SLC10A7: variants seen among roughly 807,000 people sequenced by gnomAD.
SLC10A7 encodes the protein solute carrier family 10 member 7.
In SLC10A7, 29 loss-of-function variants were observed where a neutral mutation model predicts 43.2. That is an observed-to-expected ratio of 0.67 (90% CI 0.50 to 0.92). SLC10A7 has a LOEUF of 0.92. Ranked by LOEUF, SLC10A7 falls within the 40% of genes least tolerant of loss-of-function variation. The pLI, the probability that SLC10A7 is intolerant of heterozygous loss-of-function variation, is 0.00. For missense variants in SLC10A7, 295 were observed against 403.2 expected (o/e 0.73, Z 2.30); for synonymous variants, 152 against 144.8 (o/e 1.05, Z -0.35).
intron 5 of SLC10A7, among the ~76,000 whole-genome samples, chr4:146,399,709 A>G (rs1333354191): frequency 6.6e-6 from 1 of 152,312 alleles, no homozygotes; most frequent in African/African-American, 2.4e-5. Flanking sequence ...ATCAAGGAAC[A>G]TTTTTAAGAC....
At chr4:146,495,243 A>G (rs1461981743) in intron 4 of SLC10A7, among the ~76,000 whole-genome samples, 1 of 152,226 alleles carries the variant, frequency 6.6e-6, no homozygotes, top group African/African-American at 2.4e-5. Context: ...TTCCACTACA[A>G]GCCAAAGCAG....
chr4:146,440,291 T>TTTTC lies in SLC10A7; in HGVS notation c.435+2491_435+2492insGAAA, dbSNP rs774641910. Among the ~76,000 whole-genome samples, 202 of 146,124 alleles carry TTTTC rather than the reference T, an allele frequency of 1.4e-3. 1 individual carries two copies. The highest frequency in any genetic ancestry group is 3.9e-4 in the Non-Finnish European group (26 of 66,140). The stretch of plus-strand genomic sequence containing the variant: ...GGGAGGTCTTTTTTCTTTTCTTTTC[T>TTTTC]TTTTTTTTTTGAGACAGAGTCTCGC... On this transcript the variant is annotated intron_variant, in intron 5 of 11. Coordinates refer to ENST00000335472, the MANE Select transcript of SLC10A7 (RefSeq NM_001029998.6).
At chr4:146,493,208 T>C (rs1397949042) in intron 4 of SLC10A7, among the ~76,000 whole-genome samples, 1 of 152,166 alleles carries the variant, frequency 6.6e-6, no homozygotes, top group East Asian at 1.9e-4. Context: ...AATATAAACA[T>C]TAATTAGATT....
At chr4:146,505,462 G>A (rs1402107447) in intron 3 of SLC10A7, among the ~76,000 whole-genome samples, 6 of 152,112 alleles carry the variant, frequency 3.9e-5, no homozygotes, top group African/African-American at 1.4e-4. Flanking sequence ...AGTTTTTGGG[G>A]AGTCAAAAGT....
chr4:146,259,781 TCTAA>T (rs923016863), intron 10 of SLC10A7, among the ~76,000 whole-genome samples: 17 of 152,368 alleles, frequency 1.1e-4, no homozygotes, highest in South Asian at 6.2e-4. Context: ...ACACTAGCAG[TCTAA>T]CTATTATTAC....
At chr4:146,350,300 A>C (rs1398769768) in intron 5 of SLC10A7, among the ~76,000 whole-genome samples, 19 of 151,702 alleles carry the variant, frequency 1.3e-4, no homozygotes, top group Admixed American at 1.2e-3. Context: ...GGTCACTCCC[A>C]CCCGAATATT....
intron 5 of SLC10A7, among the ~76,000 whole-genome samples, chr4:146,402,740 G>T (rs77494929): frequency 0.021 from 3,274 of 152,286 alleles, 102 homozygotes; most frequent in African/African-American, 0.075. Context: ...ATTTCGCCTT[G>T]AAGACATTCC....
intron 5 of SLC10A7, among the ~76,000 whole-genome samples, chr4:146,383,681 G>T (rs568175831): frequency 1.3e-5 from 2 of 152,116 alleles, no homozygotes; most frequent in East Asian, 3.9e-4. Context: ...ACCTTCCACT[G>T]GTAACAATAG....
At chr4:146,371,561 C>A (rs985593405) in intron 5 of SLC10A7, among the ~76,000 whole-genome samples, 1 of 152,026 alleles carries the variant, frequency 6.6e-6, no homozygotes, top group Non-Finnish European at 1.5e-5. Context: ...AAAAAGTACG[C>A]GATGTGTTTA....
intron 4 of SLC10A7, among the ~76,000 whole-genome samples, chr4:146,480,523 C>T (rs1734379851): frequency 1.3e-5 from 2 of 152,102 alleles, no homozygotes; most frequent in African/African-American, 2.4e-5. Flanking sequence ...GCAGGCATCT[C>T]ATGAGCCAAG....
chr4:146,303,353 ATGC>A (rs1731286536), intron 7 of SLC10A7, among the ~76,000 whole-genome samples: 2 of 151,104 alleles, frequency 1.3e-5, no homozygotes, highest in Non-Finnish European at 2.9e-5. Flanking sequence ...TTACACGTCT[ATGC>A]ACACATTTCT....
intron 5 of SLC10A7, among the ~76,000 whole-genome samples, chr4:146,374,613 T>C (rs774177573): frequency 8.4e-6 from 1 of 119,442 alleles, no homozygotes; most frequent in Non-Finnish European, 1.7e-5. Flanking sequence ...TATATATATA[T>C]ACACATACAC....
rs1051508670 is a variant in SLC10A7 at position 146,365,412 on chromosome 4, C to T, written c.436-39416G>A. 9.9e-5 allele frequency among the ~76,000 whole-genome samples: 15 copies of T among 152,154 alleles called. 1 individual carries two copies. The highest frequency in any genetic ancestry group is 9.2e-4 in the Admixed American group (14 of 15,268). ...ACTACATCAGAGTATTATTTTAGTACAGCATGGTTGATAGTAGCTGACTTT... is the reference window on the plus strand; with the variant it reads ...ACTACATCAGAGTATTATTTTAGTATAGCATGGTTGATAGTAGCTGACTTT... On this transcript the variant is annotated intron_variant, in intron 5 of 11. Transcript: ENST00000335472.
intron 5 of SLC10A7, among the ~76,000 whole-genome samples, chr4:146,370,045 G>A (rs183793031): frequency 6.8e-4 from 104 of 151,924 alleles, no homozygotes; most frequent in Admixed American, 1.4e-3. Flanking sequence ...CACAGAAGCT[G>A]AAAGTAAAAA....
chr4:146,337,276 T>G (rs1281850434), intron 5 of SLC10A7, among the ~76,000 whole-genome samples: 2 of 152,066 alleles, frequency 1.3e-5, no homozygotes, highest in Non-Finnish European at 2.9e-5. Flanking sequence ...AGACATAAGC[T>G]TTCACAGTGA....
intron 7 of SLC10A7, among the ~76,000 whole-genome samples, chr4:146,304,063 T>C (rs113071175): frequency 0.012 from 595 of 48,936 alleles, 4 homozygotes; most frequent in African/African-American, 0.11. Context: ...TATGATTTCA[T>C]AGAAAACAAA....
chr4:146,313,144 C>T lies in SLC10A7; in HGVS notation c.472-7135G>A, dbSNP rs558925839. On this transcript the variant is annotated intron_variant, in intron 6 of 11. Transcript: ENST00000335472. ...GGAGTAGCAAGGAACCAGTGTCTTT[C>T]CAACTCTGGATTGACCCTACCCGCT... 1.5e-3 allele frequency among the ~76,000 whole-genome samples: 228 copies of T among 152,286 alleles called. 1 individual carries two copies. The highest frequency in any genetic ancestry group is 5.2e-3 in the African/African-American group (215 of 41,572).
chr4:146,342,211 C>T (rs570984159), intron 5 of SLC10A7, among the ~76,000 whole-genome samples: 165 of 151,802 alleles, frequency 1.1e-3, no homozygotes, highest in Middle Eastern at 3.4e-3. Flanking sequence ...TATAAGCACA[C>T]CTCATTCTTT....
intron 10 of SLC10A7, among the ~76,000 whole-genome samples, chr4:146,277,784 G>A (rs887948669): frequency 2.0e-5 from 3 of 152,124 alleles, no homozygotes; most frequent in African/African-American, 7.2e-5. Flanking sequence ...TGCAGACAGT[G>A]TTGCCTCATG....
Sources: gnomAD v4.1 joint callset for allele counts (sites outside exome capture counted in the v4.1 genomes callset) on GRCh38, gnomAD v4.1.1 for gene constraint, MANE v1.5 for transcripts, NCBI Gene and HGNC (gene_info 2026-07-23, HGNC 2026-07-21) for gene names.